ATXN1: variants seen among roughly 807,000 people sequenced by gnomAD.
The protein encoded by ATXN1 is ataxin 1, also known as ataxin-1.
ATXN1 carries 8 observed loss-of-function variants against 56.4 expected under a neutral mutation model. That is an observed-to-expected ratio of 0.14 (90% CI 0.08 to 0.26). The LOEUF (loss-of-function observed/expected upper bound fraction) is 0.26, where lower values mean the gene tolerates loss of function less well. Among genes scored for constraint, ATXN1 ranks in the 10% least tolerant of loss-of-function variants. ATXN1 has a pLI of 1.00. For synonymous variants in ATXN1, 514 were observed against 494.6 expected (o/e 1.04, Z -0.52); for missense variants, 987 against 1,106.5 (o/e 0.89, Z 1.53).
intron 4 of ATXN1, among the ~76,000 whole-genome samples, chr6:16,571,417 G>C (rs1181347858): frequency 6.6e-6 from 1 of 152,146 alleles, no homozygotes; most frequent in African/African-American, 2.4e-5. Flanking sequence ...GGAATCTAGA[G>C]GCTACTTCAT....
intron 7 of ATXN1, among the ~76,000 whole-genome samples, chr6:16,316,520 G>A (rs1760512194): frequency 6.6e-6 from 1 of 152,150 alleles, no homozygotes; most frequent in Non-Finnish European, 1.5e-5. Flanking sequence ...GCAGAGGCGG[G>A]CTGATCATGA....
Position 16,614,340 on chromosome 6 carries a change from A to G in ATXN1, c.-488-28433T>C, listed in dbSNP as rs183561425. Among the ~76,000 whole-genome samples the G allele has an allele frequency of 2.6e-5, 4 of 151,206 alleles. No homozygotes were observed. The East Asian group carries it at 7.8e-4, about 30-fold the overall frequency. ...TTTATGGGTTGCCATTTTGGTGACA[A>G]TTGGTGCACTCAGCTCTACCTCTTG... On this transcript the variant is annotated intron_variant, in intron 3 of 7. Coordinates refer to ENST00000436367, the MANE Select transcript of ATXN1 (RefSeq NM_001128164.2).
Position 16,426,620 on chromosome 6 carries a change from T to TGA in ATXN1, c.-161+59350_-161+59351dup, listed in dbSNP as rs755167771. 2.3e-3 allele frequency among the ~76,000 whole-genome samples: 355 copies of TGA among 151,272 alleles called. 4 individuals are homozygous for TGA. Among genetic ancestry groups the TGA allele is most frequent in the Middle Eastern group, 6.8e-3 (2 of 294 alleles). The stretch of plus-strand genomic sequence containing the variant: ...GTGTGTGTCTGTATGTGTGTGTGTG[T>TGA]GAGAGAGAGAGAGAGAGGCAGAGAG... On this transcript the variant is annotated intron_variant, in intron 6 of 7. Coordinates refer to ENST00000436367, the MANE Select transcript of ATXN1 (RefSeq NM_001128164.2).
At chr6:16,713,690 G>T (rs1408799556) in intron 2 of ATXN1, among the ~76,000 whole-genome samples, 2 of 152,194 alleles carry the variant, frequency 1.3e-5, no homozygotes, top group East Asian at 3.8e-4. Flanking sequence ...GTGTGGTCCT[G>T]GGGCCAGCAG....
chr6:16,334,927 C>T lies in ATXN1; in HGVS notation c.-160-6457G>A, dbSNP rs189093161. 1.4e-3 allele frequency among the ~76,000 whole-genome samples: 220 copies of T among 152,138 alleles called. 1 individual carries two copies. The highest frequency in any genetic ancestry group is 4.7e-3 in the African/African-American group (197 of 41,496). On this transcript the variant is annotated intron_variant, in intron 6 of 7. Transcript: ENST00000436367. ...TGGGAATGAGTGCCCTGGGGAAGAA[C>T]AGAAAAAGCTGCAGCATTAGGAAGC...
At chr6:16,715,331 G>A (rs951643911) in intron 2 of ATXN1, among the ~76,000 whole-genome samples, 1 of 152,182 alleles carries the variant, frequency 6.6e-6, no homozygotes. Flanking sequence ...TACAGCTGAG[G>A]TATGTTAAAT....
At chr6:16,377,891 G>A (rs143679294) in intron 6 of ATXN1, among the ~76,000 whole-genome samples, 1 of 152,340 alleles carries the variant, frequency 6.6e-6, no homozygotes, top group East Asian at 1.9e-4. Flanking sequence ...GCTCCACCAG[G>A]TCTTTCAGGG....
chr6:16,678,816 A>C (rs1758739348), intron 2 of ATXN1, among the ~76,000 whole-genome samples: 1 of 152,188 alleles, frequency 6.6e-6, no homozygotes, highest in Non-Finnish European at 1.5e-5. Flanking sequence ...CGGGTGGATC[A>C]CCTGAGGTCA....
intron 2 of ATXN1, among the ~76,000 whole-genome samples, chr6:16,718,997 G>A (rs1759694485): frequency 6.6e-6 from 1 of 152,102 alleles, no homozygotes; most frequent in African/African-American, 2.4e-5. Flanking sequence ...TAGACTTCCT[G>A]GGGACTCTGT....
At position 16,735,810 on chromosome 6, in the gene ATXN1, G is replaced by A. The variant is rs186188124; in HGVS notation, c.-615+17423C>T. 1.7e-4 allele frequency among the ~76,000 whole-genome samples: 26 copies of A among 151,988 alleles called. No individual in the cohort carries two copies. In the East Asian group the frequency reaches 2.1e-3, roughly 12 times the overall value. On this transcript the variant is annotated intron_variant, in intron 2 of 7. Transcript: ENST00000436367. ...TGCACTCCAGCCCAGGCAACAGTGC[G>A]AGACTCCATCTCAAAAAAGAAAAAA...
intron 6 of ATXN1, among the ~76,000 whole-genome samples, chr6:16,454,072 G>A (rs1463944107): frequency 7.1e-6 from 1 of 140,570 alleles, no homozygotes; most frequent in Non-Finnish European, 1.5e-5. Flanking sequence ...GGAGGTTGCA[G>A]TGAGCTGAGA....
chr6:16,529,207 TG>T (rs148727527), intron 4 of ATXN1, among the ~76,000 whole-genome samples: 3,127 of 145,614 alleles, frequency 0.021, 155 homozygotes, highest in African/African-American at 0.075. Context: ...CAGGGTTTTT[TG>T]TTTTTTTTTT....
Position 16,301,303 on chromosome 6 carries a change from A to G in ATXN1, c.*5026T>C, listed in dbSNP as rs1760091282. 1 of 152,656 alleles carries G rather than the reference A, an allele frequency of 6.6e-6. No homozygotes were observed. The highest frequency in any genetic ancestry group is 1.5e-5 in the Non-Finnish European group (1 of 68,054). 9.5% of individuals were successfully genotyped at this position (152,656 alleles called of 1,614,324 possible). ...AAATTCCCACAAGGTATAGTGCTAC[A>G]AGAAAAGATCCTATCATCAGTAAGG... is the stretch of plus-strand genomic sequence containing the variant. On this transcript the variant is annotated 3_prime_UTR_variant, in exon 8 of 8. Coordinates refer to ENST00000436367, the MANE Select transcript of ATXN1 (RefSeq NM_001128164.2).
At chr6:16,754,098 A>G (rs934500067) in intron 1 of ATXN1, 1 of 152,230 alleles carries the variant, frequency 6.6e-6, no homozygotes, top group African/African-American at 2.4e-5. Context: ...AAACCTATGC[A>G]TAGAAACGGA....
At chr6:16,420,939 C>T (rs1014862427) in intron 6 of ATXN1, among the ~76,000 whole-genome samples, 5 of 152,216 alleles carry the variant, frequency 3.3e-5, no homozygotes, top group Middle Eastern at 6.8e-3. Flanking sequence ...AATGTCTCTG[C>T]GGTTTTGTAG....
At chr6:16,316,849 T>C (rs537114376) in intron 7 of ATXN1, among the ~76,000 whole-genome samples, 1 of 144,112 alleles carries the variant, frequency 6.9e-6, no homozygotes, top group Non-Finnish European at 1.5e-5. Flanking sequence ...CAGGGGGCAA[T>C]AGAGAGACTG....
intron 6 of ATXN1, among the ~76,000 whole-genome samples, chr6:16,478,434 G>T (rs1169896513): frequency 6.6e-6 from 1 of 152,214 alleles, no homozygotes; most frequent in Admixed American, 6.5e-5. Flanking sequence ...AGCCATTGAG[G>T]TTGCCAAACA....
intron 7 of ATXN1, among the ~76,000 whole-genome samples, chr6:16,321,324 A>G (rs926082411): frequency 6.6e-6 from 1 of 152,232 alleles, no homozygotes; most frequent in Non-Finnish European, 1.5e-5. Context: ...TTTGGCAGTG[A>G]GGCCCAAGGG....
chr6:16,536,664 C>T (rs1228981671), intron 4 of ATXN1, among the ~76,000 whole-genome samples: 1 of 152,144 alleles, frequency 6.6e-6, no homozygotes, highest in Non-Finnish European at 1.5e-5. Context: ...AGAAAACTGC[C>T]CCCCTTAGCA....
Sources: gnomAD v4.1 joint callset for allele counts (sites outside exome capture counted in the v4.1 genomes callset) on GRCh38, gnomAD v4.1.1 for gene constraint, MANE v1.5 for transcripts, NCBI Gene and HGNC (gene_info 2026-07-23, HGNC 2026-07-21) for gene names.